HERC3: variants seen among roughly 807,000 people sequenced by gnomAD.
HERC3 encodes HECT and RLD domain containing E3 ubiquitin protein ligase 3, also known as probable E3 ubiquitin-protein ligase HERC3.
A neutral mutation model predicts 129.9 loss-of-function variants in HERC3; 58 were observed. The ratio of observed to expected loss-of-function variants is 0.45; its 90% CI spans 0.36 to 0.56. HERC3 has a LOEUF of 0.56. Among genes scored for constraint, HERC3 ranks in the 20% least tolerant of loss-of-function variants. The pLI, the probability that HERC3 is intolerant of heterozygous loss-of-function variation, is 0.00. For synonymous variants in HERC3, 430 were observed against 451.0 expected (o/e 0.95, Z 0.59); for missense variants, 835 against 1,244.2 (o/e 0.67, Z 4.95).
At chr4:88,625,330 G>C (rs184484046) in intron 3 of HERC3, among the ~76,000 whole-genome samples, 1 of 152,020 alleles carries the variant, frequency 6.6e-6, no homozygotes, top group Non-Finnish European at 1.5e-5. Flanking sequence ...CATGAACATG[G>C]TGTGTCTCTC....
At chr4:88,567,549 G>C in the HERC3 span, among the ~76,000 whole-genome samples, 1 of 151,706 alleles carries the variant, frequency 6.6e-6, no homozygotes, top group East Asian at 1.9e-4. Flanking sequence ...TTCTTTCTCT[G>C]CTTGATCAAT....
intron 23 of HERC3, among the ~76,000 whole-genome samples, chr4:88,700,643 C>T (rs997432597): frequency 5.3e-5 from 8 of 151,468 alleles, no homozygotes; most frequent in Admixed American, 2.6e-4. Flanking sequence ...TTCTTAGTAC[C>T]GAAATCTATA....
chr4:88,631,266 C>T (rs1726718669), intron 3 of HERC3, among the ~76,000 whole-genome samples: 1 of 151,936 alleles, frequency 6.6e-6, no homozygotes, highest in Admixed American at 6.6e-5. Flanking sequence ...ACCAGCCTGG[C>T]CAACATGGTG....
At chr4:88,691,841 C>G (rs954434652) in intron 23 of HERC3, among the ~76,000 whole-genome samples, 1 of 152,134 alleles carries the variant, frequency 6.6e-6, no homozygotes, top group African/African-American at 2.4e-5. Flanking sequence ...AATGAAATAG[C>G]TGTAAGAAGA....
At chr4:88,612,239 G>A (rs1200589481) in intron 3 of HERC3, among the ~76,000 whole-genome samples, 1 of 150,654 alleles carries the variant, frequency 6.6e-6, no homozygotes, top group Admixed American at 6.6e-5. Flanking sequence ...TGGTTTCTTT[G>A]TACTCTCATT....
chr4:88,706,803 A>T lies in HERC3; in HGVS notation c.2996A>T (p.Gln999Leu). The T allele has an allele frequency of 6.2e-7, 1 of 1,614,164 alleles. No individual in the cohort carries two copies. ...RIPIYGMASL[Q>L]IVIQSTASGE... is the part of the protein sequence containing the mutation. ...CCCATCTACGGCATGGCCAGTCTGC[A>T]GATTGTCATCCAGTCCACAGCCAGC... The change falls in exon 26 of 26, where the codon CAG (glutamine) becomes CTG (leucine). Residue 999 changes from glutamine (Q) to leucine (L), a missense_variant. Transcript: ENST00000402738.
chr4:88,698,950 A>C (rs1578347441), intron 23 of HERC3, among the ~76,000 whole-genome samples: 1 of 86,240 alleles, frequency 1.2e-5, no homozygotes, highest in African/African-American at 6.4e-5. Flanking sequence ...CTTCTTCCTC[A>C]CCCACTGCCT....
At chr4:88,631,044 T>G (rs1726689746) in intron 3 of HERC3, among the ~76,000 whole-genome samples, 1 of 152,186 alleles carries the variant, frequency 6.6e-6, no homozygotes. Context: ...ACATAGTAAA[T>G]TTAGATTTAT....
At chr4:88,597,896 G>A (rs185296384) in intron 2 of HERC3, 5 of 152,350 alleles carry the variant, frequency 3.3e-5, no homozygotes, top group Admixed American at 3.3e-4. Context: ...GTCTTTGGTA[G>A]GAACATTTTT....
chr4:88,533,562 G>A, the HERC3 span, among the ~76,000 whole-genome samples: 1 of 152,158 alleles, frequency 6.6e-6, no homozygotes, highest in Admixed American at 6.5e-5. Flanking sequence ...GGTTTTCCTT[G>A]TCATGATGCA....
chr4:88,665,996 T>A (rs1356427872), intron 12 of HERC3, among the ~76,000 whole-genome samples: 1 of 152,202 alleles, frequency 6.6e-6, no homozygotes, highest in Non-Finnish European at 1.5e-5. Context: ...GCTATTGGCA[T>A]CCAGTGGGTA....
intron 24 of HERC3, 94 bp downstream of exon 24, chr4:88,704,375 C>A: frequency 1.5e-6 from 2 of 1,377,456 alleles, no homozygotes; most frequent in Non-Finnish European, 2.0e-6. Context: ...TCCAAGCATA[C>A]TGTGGTTGAG....
chr4:88,678,325 A>G (rs192103830), intron 19 of HERC3, among the ~76,000 whole-genome samples, 191 bp downstream of exon 19: 1 of 152,212 alleles, frequency 6.6e-6, no homozygotes, highest in African/African-American at 2.4e-5. Context: ...TAAAAATGCC[A>G]GTGGATTATT....
Position 88,667,899 on chromosome 4 carries a change from A to G in HERC3, c.1451A>G (p.Asn484Ser), listed in dbSNP as rs763451033. Residue 484 changes from asparagine (N) to serine (S), a missense_variant, in exon 14 of 26, where the codon AAC (asparagine) becomes AGC (serine). By Grantham distance (46) the Asn-to-Ser change is conservative. Transcript: ENST00000402738. ...QHSMILEQIL[N>S]SFESCLIPQL... ...CTCTTTTCCCTCATACAGATTTTGA[A>G]CAGTTTTGAAAGTTGTCTGATTCCC... The G allele has an allele frequency of 9.3e-6, 15 of 1,609,320 alleles. No homozygotes were observed.
chr4:88,644,615 C>G (rs1233633690), intron 3 of HERC3, among the ~76,000 whole-genome samples: 1 of 152,176 alleles, frequency 6.6e-6, no homozygotes, highest in South Asian at 2.1e-4. Flanking sequence ...GGAGAGGATG[C>G]AACTATAAGG....
At chr4:88,661,586 C>T (rs778288286) in intron 10 of HERC3, among the ~76,000 whole-genome samples, 3 of 152,054 alleles carry the variant, frequency 2.0e-5, no homozygotes, top group South Asian at 4.2e-4. Context: ...CCTTAGTTCT[C>T]GATCAAGAAC....
At chr4:88,683,815 C>T (rs954673631) in intron 21 of HERC3, among the ~76,000 whole-genome samples, 7 of 152,204 alleles carry the variant, frequency 4.6e-5, no homozygotes, top group African/African-American at 1.7e-4. Context: ...TAACCCTCGG[C>T]CTGCAGGCTG....
At chr4:88,667,027 A>C (rs896060933) in intron 12 of HERC3, among the ~76,000 whole-genome samples, 2 of 152,204 alleles carry the variant, frequency 1.3e-5, no homozygotes, top group Non-Finnish European at 2.9e-5. Context: ...AAAAAAACCA[A>C]AAAACACAAG....
In HERC3 at chr4:88,704,301, T is replaced by TA. The variant is rs575387533; in HGVS notation, c.2841+22dup. The TA allele has an allele frequency of 8.2e-5, 132 of 1,609,274 alleles. 1 individual carries two copies. In the African/African-American group the frequency reaches 1.7e-3, roughly 21 times the overall value. On this transcript the variant is annotated intron_variant, in intron 24 of 25. Transcript: ENST00000402738. ...GAAGAGGTAAGCACAAAAGATCCTT[T>TA]AACTCCTTTAACTCCGGCGAAGCAG...
Sources: allele counts gnomAD v4.1 joint callset (sites outside exome capture counted in the v4.1 genomes callset), GRCh38; gene constraint gnomAD v4.1.1; transcripts MANE v1.5; gene names NCBI Gene and HGNC (gene_info 2026-07-23, HGNC 2026-07-21).